The following CAND2 variants were observed in gnomAD, a reference collection of about 807,000 sequenced individuals.
The protein encoded by CAND2 is cullin-associated NEDD8-dissociated protein 2.
Under a neutral mutation model 98.9 loss-of-function variants are expected in CAND2, and 62 were observed. The observed-to-expected ratio is 0.63, with a 90% CI of 0.51 to 0.77. CAND2 has a LOEUF of 0.77. CAND2 is among the 30% of genes least tolerant of loss of function. The pLI is 0.00. For missense variants in CAND2, 1,501 were observed against 1,655.2 expected, an observed-to-expected ratio of 0.91 and a Z score of 1.62; for synonymous variants, 770 against 731.9, an observed-to-expected ratio of 1.05 and a Z score of -0.84.
chr3:12,806,671 C>T (rs953910611), intron 2 of CAND2, among the ~76,000 whole-genome samples: 4 of 152,120 alleles, frequency 2.6e-5, no homozygotes, highest in Non-Finnish European at 4.4e-5. Context: ...AGGCCAAGAA[C>T]GAGGGCGTCT....
At chr3:12,829,262 C>A (rs964662653) in intron 13 of CAND2, among the ~76,000 whole-genome samples, 1 of 152,212 alleles carries the variant, frequency 6.6e-6, no homozygotes, top group African/African-American at 2.4e-5. Flanking sequence ...TCTCCTGCCT[C>A]GGCCTCTTGA....
chr3:12,802,254 G>C (rs1304723420), intron 1 of CAND2, among the ~76,000 whole-genome samples: 1 of 152,228 alleles, frequency 6.6e-6, no homozygotes, highest in East Asian at 1.9e-4. Flanking sequence ...GTGAACCCAG[G>C]AGATGGAGCT....
rs758685922 is a variant in CAND2 at position 12,831,448 on chromosome 3, CTCCT to C, written c.3376-12_3376-9del. 1 of 1,605,854 alleles carries C rather than the reference CTCCT, an allele frequency of 6.2e-7. No individual in the cohort carries two copies. Among genetic ancestry groups the C allele is most frequent in the Non-Finnish European group, 8.5e-7 (1 of 1,172,944 alleles). Reference sequence around the variant, plus strand: ...CCTGCACCATTTCACTAAGAACCATCTCCTTCCTCTGGGCAGATGCTGACCTTCA... The same window carrying C: ...CCTGCACCATTTCACTAAGAACCATCTCCTCTGGGCAGATGCTGACCTTCA... On this transcript the variant is annotated splice_polypyrimidine_tract_variant and intron_variant, in intron 13 of 14. Transcript: ENST00000456430.
rs367612472 is a variant in CAND2, at chr3:12,824,816, G to A, written c.3041-654G>A. Reference sequence around the variant, plus strand: ...CCAGGTACTTGGGAGGCTGAGGCAGGAGAATCGCTTGAACCTGAGAGGTGG... The same window carrying A: ...CCAGGTACTTGGGAGGCTGAGGCAGAAGAATCGCTTGAACCTGAGAGGTGG... On this transcript the variant is annotated intron_variant, in intron 11 of 14. Coordinates refer to ENST00000456430, the MANE Select transcript of CAND2 (RefSeq NM_001162499.2). Among the ~76,000 whole-genome samples, 14 of 152,298 alleles carry A rather than the reference G, an allele frequency of 9.2e-5. 1 individual carries two copies. The highest frequency in any genetic ancestry group is 6.5e-4 in the Admixed American group (10 of 15,300).
At chr3:12,827,235 A>G (rs543779371) in intron 12 of CAND2, among the ~76,000 whole-genome samples, 4 of 152,218 alleles carry the variant, frequency 2.6e-5, no homozygotes, top group Admixed American at 6.5e-5. Context: ...TCAGTAGATT[A>G]TAAGAATAAT....
intron 1 of CAND2, among the ~76,000 whole-genome samples, chr3:12,803,139 G>A (rs9831183): frequency 0.02 from 2,997 of 151,972 alleles, 89 homozygotes; most frequent in African/African-American, 0.068. Context: ...ACAGGCGCCC[G>A]CCACCACACC....
At chr3:12,820,837 G>A (rs148196916) in intron 11 of CAND2, among the ~76,000 whole-genome samples, 103 of 152,352 alleles carry the variant, frequency 6.8e-4, no homozygotes, top group African/African-American at 1.5e-3. Flanking sequence ...GGGCAGCCCA[G>A]TAGAGAGAGG....
intron 11 of CAND2, among the ~76,000 whole-genome samples, chr3:12,823,248 TG>T (rs1211048368): frequency 6.6e-6 from 1 of 151,264 alleles, no homozygotes; most frequent in African/African-American, 2.4e-5. Flanking sequence ...CTTCATAAGC[TG>T]GGTGGTTATG....
intron 1 of CAND2, among the ~76,000 whole-genome samples, chr3:12,797,700 AT>A (rs1330682377): frequency 6.6e-6 from 1 of 152,006 alleles, no homozygotes; most frequent in Non-Finnish European, 1.5e-5. Context: ...CTCAATGAAC[AT>A]TTTTTCACTT....
chr3:12,796,881 AT>A (rs2061729727), intron 1 of CAND2, 93 bp downstream of exon 1: 1 of 953,682 alleles, frequency 1.0e-6, no homozygotes, highest in African/African-American at 1.8e-5. Flanking sequence ...CCCCATGACC[AT>A]GCAGCCCCCT....
At position 12,815,953 on chromosome 3, in the gene CAND2, G is replaced by C. The variant is rs1463631144; in HGVS notation, c.1386G>C (p.Glu462Asp). Reference sequence around the variant, plus strand: ...AGGGATGCTTCAGCCTCCTCACCGAGCTGGCGGGTGTCCTCCCAGGCAGCC... The same window carrying C: ...AGGGATGCTTCAGCCTCCTCACCGACCTGGCGGGTGTCCTCCCAGGCAGCC... The part of the protein sequence containing the change: ...ARQGCFSLLT[E>D]LAGVLPGSLA... The change falls in exon 9 of 15, where the codon GAG becomes GAC. Residue 462 changes from glutamate (E) to aspartate (D), a missense_variant. By Grantham distance (45) the Glu-to-Asp change is conservative (BLOSUM62 2). This residue lies in a region of CAND2 where 1,427 missense variants were observed against 1,545.3 expected (regional missense o/e 0.92). Transcript: ENST00000456430. The surrounding 1 kb of genome is among the most constrained non-coding windows in gnomAD (Gnocchi z 5.7). The C allele has an allele frequency of 6.2e-7, 1 of 1,613,928 alleles. No homozygotes were observed. Among genetic ancestry groups the C allele is most frequent in the Admixed American group, 1.7e-5 (1 of 60,006 alleles).
In CAND2 at chr3:12,816,599, A is replaced by G. The variant is rs2061904995; in HGVS notation, c.1667A>G (p.His556Arg). Residue 556 changes from histidine to arginine, a missense_variant, in exon 10 of 15, where the codon CAC (histidine) becomes CGC (arginine). Coordinates refer to ENST00000456430, the MANE Select transcript of CAND2 (RefSeq NM_001162499.2). ...CTGGTGCGGGCCCTGTGGCCGCTGC[A>G]CAGGCCTCGGATGCTGGATCCTGAG... Reference protein sequence around the residue: ...QELVRALWPLHRPRMLDPEPY... With the variant: ...QELVRALWPLRRPRMLDPEPY... The G allele has an allele frequency of 1.2e-6, 2 of 1,613,862 alleles. No homozygotes were observed. The highest frequency in any genetic ancestry group is 4.5e-5 in the East Asian group (2 of 44,870).
At position 12,812,978 on chromosome 3, in the gene CAND2, C is replaced by T; in HGVS notation, c.758-12C>T. 6.5e-7 allele frequency: 1 copy of T among 1,537,496 alleles called. No homozygotes were observed. Among genetic ancestry groups the T allele is most frequent in the Non-Finnish European group, 8.8e-7 (1 of 1,131,470 alleles). The stretch of plus-strand genomic sequence containing the variant: ...GTCTGGCTTGGGTTCAGTGATCCAC[C>T]TGGCCCTGCAGGGGCTCACCTGGAC... On this transcript the variant is annotated splice_polypyrimidine_tract_variant and intron_variant, in intron 5 of 14. Coordinates refer to ENST00000456430, the MANE Select transcript of CAND2 (RefSeq NM_001162499.2).
At chr3:12,833,687 C>T in intron 14 of CAND2, 68 bp from the exon 15 acceptor site, 1 of 1,253,716 alleles carries the variant, frequency 8.0e-7, no homozygotes, top group Non-Finnish European at 1.2e-6. Context: ...AGCCAAAGAC[C>T]AGTGAGGAGG....
At chr3:12,798,626 T>A (rs2061743740) in intron 1 of CAND2, among the ~76,000 whole-genome samples, 1 of 152,170 alleles carries the variant, frequency 6.6e-6, no homozygotes, top group East Asian at 1.9e-4. Flanking sequence ...GCTAGTGGCC[T>A]AGGGGATTTG....
chr3:12,815,200 G>A lies in CAND2; in HGVS notation c.1066G>A (p.Ala356Thr). 6.2e-7 allele frequency: 1 copy of A among 1,613,788 alleles called. No homozygotes were observed. Among genetic ancestry groups the A allele is most frequent in the Non-Finnish European group, 8.5e-7 (1 of 1,179,942 alleles). ...DMSWKVRRAA[A>T]KCIAALISSR... ...GAGCTGGAAGGTGCGCCGGGCAGCT[G>A]CCAAGTGCATCGCAGCCTTGATCAG... is the stretch of plus-strand genomic sequence containing the variant. The change falls in exon 8 of 15, where the codon GCC becomes ACC. Residue 356 changes from alanine (A) to threonine (T), a missense_variant. By Grantham distance (58) the Ala-to-Thr change is moderately conservative. Coordinates refer to ENST00000456430, the MANE Select transcript of CAND2 (RefSeq NM_001162499.2). This position sits in a 1 kb window ranked among gnomAD's most constrained non-coding sequence, Gnocchi z 5.7.
intron 1 of CAND2, among the ~76,000 whole-genome samples, chr3:12,798,499 G>T (rs1425711371): frequency 6.6e-6 from 1 of 152,180 alleles, no homozygotes; most frequent in Admixed American, 6.5e-5. Context: ...TGGGTCCCAG[G>T]CTCCCTACTG....
At chr3:12,812,221 CTT>C (rs531439250) in intron 5 of CAND2, among the ~76,000 whole-genome samples, 22 of 74,510 alleles carry the variant, frequency 3.0e-4, no homozygotes, top group South Asian at 1.3e-3. Context: ...AGCTGTTTAT[CTT>C]TTTTTTTTTT....
intron 1 of CAND2, among the ~76,000 whole-genome samples, chr3:12,802,584 T>A (rs1317702464): frequency 2.0e-5 from 3 of 152,208 alleles, no homozygotes; most frequent in Admixed American, 2.0e-4. Context: ...CCTGAAACAT[T>A]ATGCATTTAG....
Sources: gnomAD v4.1 joint callset for allele counts (sites outside exome capture counted in the v4.1 genomes callset) on GRCh38, gnomAD v4.1.1 for gene constraint, gnomAD v4.1.1 regional missense constraint, Gnocchi (gnomAD v3.1) non-coding constraint, MANE v1.5 for transcripts, NCBI Gene and HGNC (gene_info 2026-07-23, HGNC 2026-07-21) for gene names.